The following ITGB7 variants were observed in gnomAD, a reference collection of about 807,000 sequenced individuals.
ITGB7 encodes the protein integrin beta-7.
Under a neutral mutation model 83.4 loss-of-function variants are expected in ITGB7, and 55 were observed. The observed-to-expected ratio is 0.66, with a 90% CI of 0.53 to 0.83. ITGB7 has a LOEUF of 0.83. Among genes scored for constraint, ITGB7 ranks in the 40% least tolerant of loss-of-function variants. ITGB7 has a pLI of 0.00. For missense variants in ITGB7, 921 were observed against 1,046.7 expected (o/e 0.88, Z 1.66); for synonymous variants, 454 against 423.6 (o/e 1.07, Z -0.88).
Position 53,193,847 on chromosome 12 carries a change from G to A in ITGB7, c.1363C>T (p.Leu455=). ...GAGAAGCCAAGGGCCCGGAGCCTCA[G>A]GAGATGGGGCTCTGGGAGGCAGTGG... ...ATHCLPEPHL[L]RLRALGFSEE... The change falls in exon 11 of 16, where the codon CTG becomes TTG. Residue 455 remains leucine (L), a synonymous_variant. Transcript: ENST00000267082. 6.2e-7 allele frequency: 1 copy of A among 1,614,086 alleles called. No individual in the cohort carries two copies. The highest frequency in any genetic ancestry group is 8.5e-7 in the Non-Finnish European group (1 of 1,179,986).
chr12:53,204,937 G>A (rs1296035518), intron 1 of ITGB7, among the ~76,000 whole-genome samples: 10 of 147,818 alleles, frequency 6.8e-5, no homozygotes, highest in African/African-American at 2.5e-4. Flanking sequence ...TGAGTCGTGT[G>A]CCTCATCCTC....
intron 1 of ITGB7, among the ~76,000 whole-genome samples, chr12:53,203,572 C>T (rs1315423295): frequency 7.1e-6 from 1 of 140,652 alleles, no homozygotes; most frequent in African/African-American, 2.7e-5. Flanking sequence ...CGCTTGAACC[C>T]GGGAGGCAGA....
rs1311860866 is a variant in ITGB7, at chr12:53,192,905, C to T, written c.1732G>A (p.Gly578Ser). ...RHEGILCGGFGRCQCGVCHCH... is the reference protein window; with the variant it reads ...RHEGILCGGFSRCQCGVCHCH... Reference sequence around the variant, plus strand: ...TGACATACTCCACATTGGCAGCGACCAAAGCCTGGGGTAGAGCCATGCAGA... The same window carrying T: ...TGACATACTCCACATTGGCAGCGACTAAAGCCTGGGGTAGAGCCATGCAGA... Residue 578 changes from glycine to serine, a missense_variant, in exon 13 of 16, where the codon GGT becomes AGT. By Grantham distance (56) the Gly-to-Ser change is moderately conservative. Transcript: ENST00000267082. 1.2e-6 allele frequency: 2 copies of T among 1,613,832 alleles called. No individual in the cohort carries two copies. Among genetic ancestry groups the T allele is most frequent in the Non-Finnish European group, 1.7e-6 (2 of 1,179,898 alleles).
At chr12:53,194,122 C>T in intron 10 of ITGB7, 76 bp downstream of exon 10, 2 of 1,589,566 alleles carry the variant, frequency 1.3e-6, no homozygotes, top group Admixed American at 3.3e-5. Context: ...ACCTGCCACC[C>T]ATCTTTTCCT....
At position 53,204,334 on chromosome 12, in the gene ITGB7, T is replaced by A. The variant is rs913277268; in HGVS notation, c.-127+2868A>T. Among the ~76,000 whole-genome samples the A allele has an allele frequency of 9.9e-5, 15 of 151,460 alleles. 1 individual carries two copies. The highest frequency in any genetic ancestry group is 3.6e-4 in the African/African-American group (15 of 41,240). Reference sequence around the variant, plus strand: ...GGCGGAGGTTGCAGTGAGCCGAGATTGTGCCATTTCATTCCAGCCTGGGCA... The same window carrying A: ...GGCGGAGGTTGCAGTGAGCCGAGATAGTGCCATTTCATTCCAGCCTGGGCA... On this transcript the variant is annotated intron_variant, in intron 1 of 15. Transcript: ENST00000267082.
At chr12:53,198,111 T>G (rs1942229079) in intron 3 of ITGB7, among the ~76,000 whole-genome samples, 160 bp from the exon 4 acceptor site, 1 of 152,166 alleles carries the variant, frequency 6.6e-6, no homozygotes, top group Non-Finnish European at 1.5e-5. Context: ...CAGCTACCCT[T>G]GAACTCCGGT....
chr12:53,195,950 C>A, intron 7 of ITGB7, 91 bp downstream of exon 7: 1 of 1,462,788 alleles, frequency 6.8e-7, no homozygotes, highest in African/African-American at 1.4e-5. Flanking sequence ...AGGGTGGTTA[C>A]TGGTGAGGAC....
At chr12:53,198,738 A>G (rs1449499426) in intron 3 of ITGB7, among the ~76,000 whole-genome samples, 1 of 152,054 alleles carries the variant, frequency 6.6e-6, no homozygotes, top group African/African-American at 2.4e-5. Context: ...CTCCTAGGCC[A>G]ACCTCCCCAG....
intron 3 of ITGB7, among the ~76,000 whole-genome samples, chr12:53,198,960 C>G (rs1358578244): frequency 6.6e-6 from 1 of 152,210 alleles, no homozygotes; most frequent in Non-Finnish European, 1.5e-5. Context: ...ACAGACCTGA[C>G]CATCTCAAGA....
chr12:53,193,087 G>T, intron 12 of ITGB7, 53 bp downstream of exon 12: 1 of 1,504,742 alleles, frequency 6.6e-7, no homozygotes, highest in Non-Finnish European at 9.1e-7. Context: ...CAGAGCCTAA[G>T]TGCCTTGGGA....
chr12:53,193,097 A>G, intron 12 of ITGB7, 43 bp downstream of exon 12: 2 of 1,542,224 alleles, frequency 1.3e-6, no homozygotes, highest in South Asian at 1.2e-5. Context: ...GTGCCTTGGG[A>G]AGGCCTCTCA....
In ITGB7 at chr12:53,195,419, A is replaced by C. The variant is rs556661166; in HGVS notation, c.1116T>G (p.Ser372Arg). 1.2e-6 allele frequency: 2 copies of C among 1,613,496 alleles called. No homozygotes were observed. Among genetic ancestry groups the C allele is most frequent in the Non-Finnish European group, 1.7e-6 (2 of 1,179,814 alleles). Residue 372 changes from serine (S) to arginine (R), a missense_variant, in exon 9 of 16, where the codon AGT becomes AGG. By Grantham distance (110) the Ser-to-Arg change is moderately radical. Coordinates refer to ENST00000267082, the MANE Select transcript of ITGB7 (RefSeq NM_000889.3). ...GCTGTACCACGTTGCTGGAGTCCTC[A>C]CTCAGCTCCCCAACTGCAGACTTAG... is the stretch of plus-strand genomic sequence containing the variant. Reference protein sequence around the residue: ...LIPKSAVGELSEDSSNVVQLI... With the variant: ...LIPKSAVGELREDSSNVVQLI...
chr12:53,195,136 A>C (rs1244687465), intron 9 of ITGB7: 3 of 547,232 alleles, frequency 5.5e-6, no homozygotes, highest in Non-Finnish European at 9.8e-6. Context: ...CAGTGATTGA[A>C]ACTTTCCTTT....
chr12:53,193,625 G>T, intron 11 of ITGB7, 83 bp downstream of exon 11: 2 of 1,218,424 alleles, frequency 1.6e-6, no homozygotes, highest in Non-Finnish European at 2.3e-6. Flanking sequence ...CCTGTGGGGG[G>T]GATGGAAAGC....
At chr12:53,204,283 G>A (rs1381595037) in intron 1 of ITGB7, among the ~76,000 whole-genome samples, 1 of 152,000 alleles carries the variant, frequency 6.6e-6, no homozygotes, top group East Asian at 1.9e-4. Flanking sequence ...GGGAGGCTGA[G>A]GCAGGAAAAT....
At chr12:53,192,148 A>C in intron 14 of ITGB7, 129 bp from the exon 15 acceptor site, 1 of 1,284,822 alleles carries the variant, frequency 7.8e-7, no homozygotes, top group Non-Finnish European at 1.1e-6. Flanking sequence ...GGGAGGTCCA[A>C]GGTTATCCTC....
At position 53,192,520 on chromosome 12, in the gene ITGB7, C is replaced by T; in HGVS notation, c.1965G>A (p.Gly655=). 1.2e-6 allele frequency: 2 copies of T among 1,614,064 alleles called. No individual in the cohort carries two copies. Among genetic ancestry groups the T allele is most frequent in the Non-Finnish European group, 1.7e-6 (2 of 1,180,016 alleles). The change falls in exon 14 of 16, where the codon GGG becomes GGA. Residue 655 remains glycine, a synonymous_variant. Transcript: ENST00000267082. ...TGGCCAGTGGGCCAGTCCTGAAGGC[C>T]CCACACTCTGCACAGTCCCTGTGTA... is the stretch of plus-strand genomic sequence containing the variant. ...CERHRDCAEC[G]AFRTGPLATN...
chr12:53,204,825 T>A (rs1942395954), intron 1 of ITGB7, among the ~76,000 whole-genome samples: 1 of 151,502 alleles, frequency 6.6e-6, no homozygotes, highest in African/African-American at 2.4e-5. Flanking sequence ...TGTTTCTTTT[T>A]TCTTTACCTT....
chr12:53,199,929 A>T (rs1942284042), intron 3 of ITGB7, among the ~76,000 whole-genome samples: 1 of 152,198 alleles, frequency 6.6e-6, no homozygotes, highest in Non-Finnish European at 1.5e-5. Flanking sequence ...CTCTACCTAT[A>T]CACAAGCATG....
Sources: allele counts gnomAD v4.1 joint callset (sites outside exome capture counted in the v4.1 genomes callset), GRCh38; gene constraint gnomAD v4.1.1; transcripts MANE v1.5; gene names NCBI Gene and HGNC (gene_info 2026-07-23, HGNC 2026-07-21).